The following NALCN variants were observed in gnomAD, a reference collection of about 807,000 sequenced individuals.
NALCN encodes the protein sodium leak channel, non-selective, also known as sodium leak channel NALCN.
In NALCN, 111 loss-of-function variants were observed where a neutral mutation model predicts 225.3. The observed-to-expected ratio is 0.49, with a 90% confidence interval of 0.42 to 0.58. NALCN has a LOEUF of 0.58. NALCN is among the 20% of genes least tolerant of loss of function. The pLI, the probability that NALCN is intolerant of heterozygous loss-of-function variation, is 0.00. For missense variants in NALCN, 1,378 were observed against 2,202.4 expected, an observed-to-expected ratio of 0.63 and a Z score of 7.49; for synonymous variants, 764 against 769.0, an observed-to-expected ratio of 0.99 and a Z score of 0.11.
At chr13:101,238,917 T>C (rs1273331545) in intron 11 of NALCN, among the ~76,000 whole-genome samples, 1 of 151,986 alleles carries the variant, frequency 6.6e-6, no homozygotes, top group Non-Finnish European at 1.5e-5. Flanking sequence ...GCACTGCAGA[T>C]AGTTAATTTA....
At chr13:101,260,424 T>C (rs543368630) in intron 10 of NALCN, among the ~76,000 whole-genome samples, 8 of 152,344 alleles carry the variant, frequency 5.3e-5, no homozygotes, top group Non-Finnish European at 1.0e-4. Context: ...GCTCAATTTT[T>C]AGTTTTTTGA....
At chr13:101,407,239 C>T (rs903039451) in intron 1 of NALCN, among the ~76,000 whole-genome samples, 7 of 152,158 alleles carry the variant, frequency 4.6e-5, no homozygotes, top group African/African-American at 1.7e-4. Context: ...AGAACATCTA[C>T]TCTATAAGTT....
chr13:101,319,034 A>G (rs999952272), intron 7 of NALCN, among the ~76,000 whole-genome samples: 2 of 152,188 alleles, frequency 1.3e-5, no homozygotes, highest in African/African-American at 4.8e-5. Context: ...GAAATAATAA[A>G]CTGGGTACCA....
chr13:101,405,985 T>C (rs963580257), intron 1 of NALCN, among the ~76,000 whole-genome samples: 4 of 152,060 alleles, frequency 2.6e-5, no homozygotes, highest in African/African-American at 9.7e-5. Flanking sequence ...AAAATGTTGG[T>C]TGAGGGGTTA....
rs547388717 is a variant in NALCN, at chr13:101,282,995, T to C, written c.1134+938A>G. The stretch of plus-strand genomic sequence containing the variant: ...ATACAGTCTCATCCCACGGCAGATG[T>C]GAACACTTCTCCAAATTATGAGGGC... On this transcript the variant is annotated intron_variant, in intron 10 of 43. Coordinates refer to ENST00000251127, the MANE Select transcript of NALCN (RefSeq NM_052867.4). Among the ~76,000 whole-genome samples, 176 of 152,176 alleles carry C rather than the reference T, an allele frequency of 1.2e-3. 1 individual carries two copies. The highest frequency in any genetic ancestry group is 2.1e-3 in the Non-Finnish European group (143 of 68,016).
chr13:101,127,764 G>A (rs954891140), intron 17 of NALCN, among the ~76,000 whole-genome samples: 8 of 152,292 alleles, frequency 5.3e-5, no homozygotes, highest in Middle Eastern at 3.4e-3. Context: ...TCCTAGATAT[G>A]TATTTAGATC....
At chr13:101,093,845 G>T (rs749661216) in intron 28 of NALCN, among the ~76,000 whole-genome samples, 11 of 152,144 alleles carry the variant, frequency 7.2e-5, no homozygotes, top group Non-Finnish European at 1.6e-4. Flanking sequence ...AGCAGCTCAA[G>T]GACCCCGGTT....
intron 39 of NALCN, 40 bp from the exon 40 acceptor site, chr13:101,065,601 T>G: frequency 6.3e-7 from 1 of 1,588,552 alleles, no homozygotes; most frequent in Non-Finnish European, 8.5e-7. Flanking sequence ...TCATCAGGCC[T>G]CGATGATTCA....
intron 13 of NALCN, among the ~76,000 whole-genome samples, chr13:101,205,605 C>T (rs536485094): frequency 1.2e-4 from 19 of 152,174 alleles, no homozygotes; most frequent in African/African-American, 4.6e-4. Context: ...AAAATGAGAC[C>T]TGGAGATTTA....
intron 15 of NALCN, among the ~76,000 whole-genome samples, chr13:101,167,281 A>C (rs1350281156): frequency 6.6e-6 from 1 of 152,202 alleles, no homozygotes; most frequent in Non-Finnish European, 1.5e-5. Context: ...GATTGCATTG[A>C]ATCTGTAGAT....
rs115143856 is a variant in NALCN at position 101,092,316 on chromosome 13, G to A, written c.3270-2350C>T. 3.4e-3 allele frequency among the ~76,000 whole-genome samples: 521 copies of A among 152,306 alleles called. 6 individuals carry two copies. Among genetic ancestry groups the A allele is most frequent in the African/African-American group, 0.012 (498 of 41,564 alleles). On this transcript the variant is annotated intron_variant, in intron 28 of 43. Coordinates refer to ENST00000251127, the MANE Select transcript of NALCN (RefSeq NM_052867.4). ...GGGCACCCTGAAGACGTGACTGAGC[G>A]TCTGCCCTTGGATGTGGAAATGCAG...
At chr13:101,084,087 C>A (rs1406955811) in intron 30 of NALCN, among the ~76,000 whole-genome samples, 1 of 152,110 alleles carries the variant, frequency 6.6e-6, no homozygotes, top group Non-Finnish European at 1.5e-5. Context: ...AGAGGAGTTT[C>A]TACATAATTA....
chr13:101,349,602 A>G (rs548687758), intron 6 of NALCN, among the ~76,000 whole-genome samples: 16 of 151,370 alleles, frequency 1.1e-4, no homozygotes, highest in African/African-American at 3.1e-4. Flanking sequence ...CTGGCTTTGA[A>G]GGTGCTGGTT....
chr13:101,274,220 C>T (rs1282137114), intron 10 of NALCN, among the ~76,000 whole-genome samples: 9 of 151,538 alleles, frequency 5.9e-5, no homozygotes, highest in African/African-American at 1.9e-4. Context: ...TACAAAGGCA[C>T]GGATAAGAAA....
At chr13:101,261,144 G>C (rs2042412708) in intron 10 of NALCN, among the ~76,000 whole-genome samples, 1 of 152,152 alleles carries the variant, frequency 6.6e-6, no homozygotes, top group Non-Finnish European at 1.5e-5. Flanking sequence ...GTATGTTCTT[G>C]GCACCTTTGT....
At chr13:101,138,043 T>C (rs755289980) in intron 17 of NALCN, among the ~76,000 whole-genome samples, 23 of 152,220 alleles carry the variant, frequency 1.5e-4, no homozygotes, top group Non-Finnish European at 2.6e-4. Flanking sequence ...TGTCCCCCTC[T>C]GCCTGGGGTG....
chr13:101,331,341 C>A (rs563067831), intron 7 of NALCN, among the ~76,000 whole-genome samples: 83 of 152,162 alleles, frequency 5.5e-4, no homozygotes, highest in South Asian at 2.1e-3. Flanking sequence ...GATAAAAGAA[C>A]AGGCAGGTTT....
chr13:101,084,855 T>C (rs2033853122), intron 30 of NALCN, among the ~76,000 whole-genome samples: 1 of 152,200 alleles, frequency 6.6e-6, no homozygotes, highest in Non-Finnish European at 1.5e-5. Flanking sequence ...AATTTAAGCA[T>C]CTTTACATTT....
chr13:101,082,275 A>T (rs956594134), intron 33 of NALCN, among the ~76,000 whole-genome samples: 3 of 152,144 alleles, frequency 2.0e-5, no homozygotes, highest in African/African-American at 7.2e-5. Flanking sequence ...TAAGTAGCTT[A>T]CAAATCTGTG....
Sources: gnomAD v4.1 joint callset for allele counts (sites outside exome capture counted in the v4.1 genomes callset) on GRCh38, gnomAD v4.1.1 for gene constraint, MANE v1.5 for transcripts, NCBI Gene and HGNC (gene_info 2026-07-23, HGNC 2026-07-21) for gene names.